Variants in USP46 observed in about 807,000 individuals in gnomAD.
USP46 encodes ubiquitin specific peptidase 46.
Under a neutral mutation model 44.4 loss-of-function variants are expected in USP46, and 12 were observed. The ratio of observed to expected loss-of-function variants is 0.27; its 90% CI spans 0.17 to 0.44. The LOEUF is 0.44. Ranked by LOEUF, USP46 falls within the 20% of genes least tolerant of loss-of-function variation. The probability of loss-of-function intolerance (pLI) is 1.00; values close to 1 mark genes in which losing one functional copy is unlikely to be tolerated. For synonymous variants in USP46, 155 were observed against 161.5 expected, an observed-to-expected ratio of 0.96 and a Z score of 0.31; for missense variants, 248 against 444.8, an observed-to-expected ratio of 0.56 and a Z score of 3.98.
At chr4:52,612,454 C>T (rs1436354654) in intron 4 of USP46, among the ~76,000 whole-genome samples, 1 of 152,176 alleles carries the variant, frequency 6.6e-6, no homozygotes, top group Non-Finnish European at 1.5e-5. Context: ...TGTTTTGCCA[C>T]CCTTAAGTCT....
At chr4:52,621,339 C>T (rs1259336392) in intron 4 of USP46, among the ~76,000 whole-genome samples, 1 of 152,080 alleles carries the variant, frequency 6.6e-6, no homozygotes, top group African/African-American at 2.4e-5. Context: ...TACAAAAATA[C>T]AAAGTGGGGT....
intron 1 of USP46, among the ~76,000 whole-genome samples, chr4:52,654,706 T>C (rs978523769): frequency 6.6e-6 from 1 of 152,152 alleles, no homozygotes; most frequent in Non-Finnish European, 1.5e-5. Flanking sequence ...CCTCATTTAT[T>C]TAAAAGAACT....
At chr4:52,644,585 C>T (rs1316673221) in intron 1 of USP46, among the ~76,000 whole-genome samples, 1 of 152,002 alleles carries the variant, frequency 6.6e-6, no homozygotes, top group Non-Finnish European at 1.5e-5. Context: ...TTGCATACTC[C>T]TTCTGAGAGT....
intron 6 of USP46, 22 bp from the exon 7 acceptor site, chr4:52,602,076 A>G (rs780796175): frequency 1.2e-6 from 2 of 1,604,338 alleles, no homozygotes; most frequent in Admixed American, 3.4e-5. Context: ...AGAAATAGAA[A>G]ATCAGTTGTA....
At chr4:52,658,209 G>C in intron 1 of USP46, 1 of 455,826 alleles carries the variant, frequency 2.2e-6, no homozygotes, top group Non-Finnish European at 4.4e-6. Context: ...TCCAATCTGA[G>C]CTCCCCAAAG....
intron 1 of USP46, among the ~76,000 whole-genome samples, chr4:52,654,274 C>G (rs1476745824): frequency 6.6e-6 from 1 of 152,184 alleles, no homozygotes; most frequent in Admixed American, 6.5e-5. Flanking sequence ...GATATATTAA[C>G]TAAACTTATA....
chr4:52,659,035 G>T lies in USP46; in HGVS notation c.36+80C>A. 3.4e-6 allele frequency: 5 copies of T among 1,467,180 alleles called. No homozygotes were observed. In the South Asian group the frequency reaches 5.2e-5, roughly 15 times the overall value. 90.9% of individuals were successfully genotyped at this position (1,467,180 alleles called of 1,614,324 possible). On this transcript the variant is annotated intron_variant, in intron 1 of 8. Coordinates refer to ENST00000441222, the MANE Select transcript of USP46 (RefSeq NM_022832.4). The surrounding 1 kb of genome is among the most constrained non-coding windows in gnomAD (Gnocchi z 4.2). ...CGCCGCCCCCGCCGCCCCAGCCACC[G>T]GGCGTGTGTGCAGCTCGGGCTTCCC...
chr4:52,654,175 C>T (rs140378450), intron 1 of USP46, among the ~76,000 whole-genome samples: 1 of 152,292 alleles, frequency 6.6e-6, no homozygotes, highest in African/African-American at 2.4e-5. Flanking sequence ...AATTTCTTTT[C>T]TTTAAACATT....
intron 1 of USP46, among the ~76,000 whole-genome samples, chr4:52,656,965 G>A (rs1330030827): frequency 6.6e-6 from 1 of 150,858 alleles, no homozygotes; most frequent in African/African-American, 2.4e-5. Flanking sequence ...ACTTGAGCCT[G>A]GGAAGTGGAG....
Position 52,597,427 on chromosome 4 carries a change from C to G in USP46, c.*213G>C. On this transcript the variant is annotated 3_prime_UTR_variant, in exon 9 of 9. Transcript: ENST00000441222. ...TTATTCATATAAATCAGACTACAAT[C>G]TGATTGCAGTTAACTCTATGTCAGA... is the stretch of plus-strand genomic sequence containing the variant. 2.1e-6 allele frequency: 1 copy of G among 487,410 alleles called. No individual in the cohort carries two copies. The highest frequency in any genetic ancestry group is 3.6e-6 in the Non-Finnish European group (1 of 277,096). The allele number at this position is 487,410 out of a possible 1,614,324, so 30.2% of individuals were successfully genotyped here. A position where few individuals can be genotyped will look rare whatever the true frequency, so the allele number is the denominator to read the frequency against.
chr4:52,636,264 A>G (rs1376362579), intron 1 of USP46, among the ~76,000 whole-genome samples: 1 of 152,126 alleles, frequency 6.6e-6, no homozygotes, highest in East Asian at 1.9e-4. Flanking sequence ...CAAGGTAGGC[A>G]GCCTTTGGAA....
intron 6 of USP46, among the ~76,000 whole-genome samples, chr4:52,603,303 C>T (rs1296112872): frequency 6.6e-6 from 1 of 152,216 alleles, no homozygotes; most frequent in African/African-American, 2.4e-5. Context: ...TCTTTACTAA[C>T]AAAAGGTATC....
At chr4:52,618,462 C>A (rs183262197) in intron 4 of USP46, among the ~76,000 whole-genome samples, 78 of 151,892 alleles carry the variant, frequency 5.1e-4, no homozygotes, top group Admixed American at 4.7e-3. Flanking sequence ...TACACTCCAG[C>A]CTGGGTGACA....
chr4:52,641,859 A>G (rs1484788030), intron 1 of USP46, among the ~76,000 whole-genome samples: 1 of 152,240 alleles, frequency 6.6e-6, no homozygotes, highest in East Asian at 1.9e-4. Flanking sequence ...GATAACATGT[A>G]AGGATTTCTA....
At position 52,659,052 on chromosome 4, in the gene USP46, G is replaced by C. The variant is rs948952115; in HGVS notation, c.36+63C>G. 38 of 1,512,788 alleles carry C rather than the reference G, an allele frequency of 2.5e-5. No individual in the cohort carries two copies. Among genetic ancestry groups the C allele is most frequent in the Non-Finnish European group, 3.2e-5 (36 of 1,129,978 alleles). The allele number at this position is 1,512,788 out of a possible 1,614,324, so 93.7% of individuals were successfully genotyped here. ...CAGCCACCGGGCGTGTGTGCAGCTC[G>C]GGCTTCCCTTTCTTTGCCTCGCCGC... On this transcript the variant is annotated intron_variant, in intron 1 of 8. Transcript: ENST00000441222. The surrounding 1 kb of genome is among the most constrained non-coding windows in gnomAD (Gnocchi z 4.2).
At chr4:52,603,127 G>C (rs1392765700) in intron 6 of USP46, among the ~76,000 whole-genome samples, 3 of 152,206 alleles carry the variant, frequency 2.0e-5, no homozygotes, top group African/African-American at 7.2e-5. Context: ...CAACAGTAGA[G>C]AAATAAGAAG....
At chr4:52,651,714 G>A (rs1422394013) in intron 1 of USP46, among the ~76,000 whole-genome samples, 2 of 152,162 alleles carry the variant, frequency 1.3e-5, no homozygotes, top group Non-Finnish European at 2.9e-5. Flanking sequence ...GGAAAACTCT[G>A]CAAGTCCAGC....
intron 2 of USP46, among the ~76,000 whole-genome samples, chr4:52,628,649 A>G (rs10017784): frequency 0.18 from 27,390 of 152,218 alleles, 3,040 homozygotes; most frequent in African/African-American, 0.33. Flanking sequence ...TAAACTGAAC[A>G]GGGGCTGGTT....
chr4:52,659,203 G>C lies in USP46; in HGVS notation c.-53C>G, dbSNP rs1560417920. On this transcript the variant is annotated 5_prime_UTR_variant, in exon 1 of 9. Coordinates refer to ENST00000441222, the MANE Select transcript of USP46 (RefSeq NM_022832.4). This position sits in a 1 kb window ranked among gnomAD's most constrained non-coding sequence, Gnocchi z 4.2. ...CCGCCATCTTTACAAGGGGAAACCGGGACTGCCCATGGTGGCGCGCTGGCG... is the reference window on the plus strand; with the variant it reads ...CCGCCATCTTTACAAGGGGAAACCGCGACTGCCCATGGTGGCGCGCTGGCG... 2.7e-6 allele frequency: 4 copies of C among 1,500,182 alleles called. No homozygotes were observed. In the East Asian group the frequency reaches 1.1e-4, roughly 42 times the overall value. The allele number at this position is 1,500,182 out of a possible 1,614,324, so 92.9% of individuals were successfully genotyped here. A position where few individuals can be genotyped will look rare whatever the true frequency, so the allele number is the denominator to read the frequency against.
Sources: gnomAD v4.1 joint callset for allele counts (sites outside exome capture counted in the v4.1 genomes callset) on GRCh38, gnomAD v4.1.1 for gene constraint, Gnocchi (gnomAD v3.1) non-coding constraint, MANE v1.5 for transcripts, NCBI Gene and HGNC (gene_info 2026-07-23, HGNC 2026-07-21) for gene names.